FCHSD2: variants seen among roughly 807,000 people sequenced by gnomAD.
The protein encoded by FCHSD2 is F-BAR and double SH3 domains protein 2.
FCHSD2 carries 38 observed loss-of-function variants against 108.1 expected under a neutral mutation model. The ratio of observed to expected loss-of-function variants is 0.35; its 90% CI spans 0.27 to 0.46. The LOEUF is 0.46. FCHSD2 is among the 20% of genes least tolerant of loss of function. FCHSD2 has a pLI of 1.00. For synonymous variants in FCHSD2, 279 were observed against 314.7 expected, an observed-to-expected ratio of 0.89 and a Z score of 1.20; for missense variants, 751 against 897.8, an observed-to-expected ratio of 0.84 and a Z score of 2.09.
intron 14 of FCHSD2, among the ~76,000 whole-genome samples, chr11:72,848,572 G>A (rs1041660184): frequency 1.3e-5 from 2 of 152,132 alleles, no homozygotes; most frequent in African/African-American, 4.8e-5. Flanking sequence ...TTCCTAGAGG[G>A]GAGAGATGTC....
intron 3 of FCHSD2, among the ~76,000 whole-genome samples, chr11:73,045,288 G>A (rs1463664766): frequency 6.6e-6 from 1 of 151,040 alleles, no homozygotes; most frequent in African/African-American, 2.4e-5. Context: ...GAGAGGATGT[G>A]GAGAAATAGG....
chr11:72,852,183 C>T (rs1449410970), intron 13 of FCHSD2, among the ~76,000 whole-genome samples: 1 of 152,060 alleles, frequency 6.6e-6, no homozygotes, highest in Non-Finnish European at 1.5e-5. Context: ...GCCATCATGC[C>T]TGGCTGAGAA....
chr11:72,840,049 A>G (rs1238928027), intron 19 of FCHSD2, among the ~76,000 whole-genome samples: 1 of 152,194 alleles, frequency 6.6e-6, no homozygotes, highest in African/African-American at 2.4e-5. Flanking sequence ...CTTACCCACC[A>G]GTCCATCTTG....
chr11:72,997,369 A>G (rs1290834805), intron 5 of FCHSD2, among the ~76,000 whole-genome samples: 1 of 152,224 alleles, frequency 6.6e-6, no homozygotes, highest in Non-Finnish European at 1.5e-5. Context: ...GTGATCTAAT[A>G]GCATTCTATC....
In FCHSD2 at chr11:72,837,090, A is replaced by G. The variant is rs74669541; in HGVS notation, c.*1701T>C. The G allele has an allele frequency of 0.071, 10,859 of 152,312 alleles. 525 individuals are homozygous for G. Among genetic ancestry groups the G allele is most frequent in the South Asian group, 0.16 (753 of 4,832 alleles). The allele number at this position is 152,312 out of a possible 1,614,324, so 9.4% of individuals were successfully genotyped here. A position where few individuals can be genotyped will look rare whatever the true frequency, so the allele number is the denominator to read the frequency against. ...TGGGTGGCAAGAACTGCTCTATTTAATAAGCATTTGAAGATTTTTAATATG... is the reference window on the plus strand; with the variant it reads ...TGGGTGGCAAGAACTGCTCTATTTAGTAAGCATTTGAAGATTTTTAATATG... On this transcript the variant is annotated 3_prime_UTR_variant, in exon 20 of 20. Transcript: ENST00000409418.
intron 8 of FCHSD2, among the ~76,000 whole-genome samples, chr11:72,961,852 A>G (rs1856824010): frequency 6.6e-6 from 1 of 152,240 alleles, no homozygotes; most frequent in South Asian, 2.1e-4. Context: ...GTTTACTGTG[A>G]CAACAAACAT....
intron 8 of FCHSD2, among the ~76,000 whole-genome samples, chr11:72,950,385 T>C (rs960523893): frequency 2.0e-5 from 3 of 152,190 alleles, no homozygotes; most frequent in African/African-American, 7.2e-5. Context: ...TTTTTGGTGA[T>C]ATCTGAGAAA....
At chr11:72,900,475 TGAGA>T in intron 10 of FCHSD2, 1 of 607,116 alleles carries the variant, frequency 1.6e-6, no homozygotes, top group Non-Finnish European at 2.9e-6. Flanking sequence ...AAAAGTGAGA[TGAGA>T]GTCACTGTTA....
chr11:72,944,350 C>A (rs992633325), intron 8 of FCHSD2, among the ~76,000 whole-genome samples: 1 of 152,110 alleles, frequency 6.6e-6, no homozygotes, highest in African/African-American at 2.4e-5. Context: ...AATTCAACAA[C>A]GCTTCATTCT....
intron 5 of FCHSD2, among the ~76,000 whole-genome samples, chr11:72,992,045 T>G (rs943800098): frequency 6.6e-6 from 1 of 152,220 alleles, no homozygotes; most frequent in Middle Eastern, 3.2e-3. Flanking sequence ...CTTAAGCTGA[T>G]AGGCAACTTC....
intron 9 of FCHSD2, among the ~76,000 whole-genome samples, chr11:72,910,473 G>A (rs879844453): frequency 5.9e-5 from 9 of 152,226 alleles, no homozygotes; most frequent in Non-Finnish European, 1.2e-4. Context: ...ATTTTGTTCT[G>A]TAATAAGAAA....
At chr11:73,022,884 C>T (rs528590123) in intron 3 of FCHSD2, among the ~76,000 whole-genome samples, 1 of 152,028 alleles carries the variant, frequency 6.6e-6, no homozygotes, top group Non-Finnish European at 1.5e-5. Context: ...CAGAAATAGA[C>T]CCATACAAAT....
chr11:72,849,449 A>T (rs1349520001), intron 14 of FCHSD2, among the ~76,000 whole-genome samples: 1 of 152,236 alleles, frequency 6.6e-6, no homozygotes, highest in Non-Finnish European at 1.5e-5. Flanking sequence ...GTAGTGACTG[A>T]GGAGTTGGTT....
At chr11:73,080,296 CAAAAAAAAAAAAA>C (rs370633105) in intron 3 of FCHSD2, among the ~76,000 whole-genome samples, 4 of 52,300 alleles carry the variant, frequency 7.6e-5, no homozygotes, top group South Asian at 1.5e-3. Context: ...GACCCTGTCT[CAAAAAAAAAAAAA>C]AAAAAAAAAA....
intron 8 of FCHSD2, among the ~76,000 whole-genome samples, chr11:72,927,055 T>C (rs1856090978): frequency 6.6e-6 from 1 of 152,238 alleles, no homozygotes; most frequent in Non-Finnish European, 1.5e-5. Context: ...TCCTAGTTTT[T>C]ACTATCTTAA....
At chr11:72,990,875 A>T (rs1304528630) in intron 5 of FCHSD2, among the ~76,000 whole-genome samples, 2 of 152,234 alleles carry the variant, frequency 1.3e-5, no homozygotes, top group African/African-American at 2.4e-5. Flanking sequence ...GAACTGAACG[A>T]AATAGAGACA....
intron 3 of FCHSD2, among the ~76,000 whole-genome samples, chr11:73,049,701 A>G (rs1253818716): frequency 2.7e-5 from 4 of 146,076 alleles, no homozygotes; most frequent in African/African-American, 1.1e-4. Context: ...AAAAAAAAAA[A>G]GAAAAAGGGG....
intron 5 of FCHSD2, among the ~76,000 whole-genome samples, chr11:72,990,537 T>G (rs1857391196): frequency 6.6e-6 from 1 of 152,050 alleles, no homozygotes; most frequent in Non-Finnish European, 1.5e-5. Context: ...AAACTAGAAC[T>G]CAGGATTAAG....
chr11:73,003,134 C>T (rs929608321), intron 4 of FCHSD2, among the ~76,000 whole-genome samples: 7 of 152,158 alleles, frequency 4.6e-5, no homozygotes, highest in African/African-American at 1.7e-4. Flanking sequence ...ATCCTGAACA[C>T]TGATATACCA....
Sources: allele counts gnomAD v4.1 joint callset (sites outside exome capture counted in the v4.1 genomes callset), GRCh38; gene constraint gnomAD v4.1.1; transcripts MANE v1.5; gene names NCBI Gene and HGNC (gene_info 2026-07-23, HGNC 2026-07-21).